Variants in CACNA1H observed in about 807,000 individuals in gnomAD.
CACNA1H encodes voltage-dependent T-type calcium channel subunit alpha-1H.
In CACNA1H, 149 loss-of-function variants were observed where a neutral mutation model predicts 192.5. That is an observed-to-expected ratio of 0.77 (90% CI 0.68 to 0.89). The LOEUF is 0.89. CACNA1H is among the 40% of genes least tolerant of loss of function. The pLI is 0.00. For synonymous variants in CACNA1H, 2,202 were observed against 1,475.2 expected (o/e 1.49, Z -11.29); for missense variants, 4,257 against 3,423.5 (o/e 1.24, Z -6.08).
chr16:1,194,948 G>A, intron 2 of CACNA1H, 24 bp from the exon 3 acceptor site: 1 of 1,568,846 alleles, frequency 6.4e-7, no homozygotes, highest in Admixed American at 1.7e-5. Flanking sequence ...CCGCGCCGGT[G>A]TGCTCCTTAA....
intron 16 of CACNA1H, 82 bp downstream of exon 16, chr16:1,208,303 G>C: frequency 2.1e-6 from 2 of 960,584 alleles, no homozygotes; most frequent in Non-Finnish European, 3.2e-6. Context: ...CTGAAGATGA[G>C]TGAGGGCCGC....
chr16:1,156,866 G>A (rs931897309), intron 2 of CACNA1H: 2 of 152,238 alleles, frequency 1.3e-5, no homozygotes, highest in Non-Finnish European at 2.9e-5. Flanking sequence ...GGGAGCACAT[G>A]CGTGCTGGCT....
In CACNA1H at chr16:1,207,034, C is replaced by A; in HGVS notation, c.2823C>A (p.Phe941Leu). Residue 941 changes from phenylalanine to leucine, a missense_variant, in exon 13 of 35, where the codon TTC becomes TTA. Coordinates refer to ENST00000348261, the MANE Select transcript of CACNA1H (RefSeq NM_021098.3). The stretch of plus-strand genomic sequence containing the variant: ...GCATGCACCTTTTCGGCTGCAAGTT[C>A]AGCCTGAAGACAGACACCGGAGACA... ...ILGMHLFGCK[F>L]SLKTDTGDTV... is the part of the protein sequence containing the mutation. 6.3e-7 allele frequency: 1 copy of A among 1,599,540 alleles called. No individual in the cohort carries two copies. The highest frequency in any genetic ancestry group is 8.5e-7 in the Non-Finnish European group (1 of 1,173,158).
In CACNA1H at chr16:1,210,385, C is replaced by A. The variant is rs377055233; in HGVS notation, c.3861C>A (p.Cys1287Ter). ...GCCCACCCAGGTTCCGCGTCTCCTG[C>A]CAGAAGGTCATCACACACAAGATGT... ...FSPQNRFRVS[C>*]QKVITHKMFD... The change falls in exon 19 of 35, where the codon TGC becomes TGA. Residue 1287 changes from cysteine to a stop codon, truncating the protein, a stop_gained. Transcript: ENST00000348261. LOFTEE classifies it high-confidence loss of function. 1 of 1,531,582 alleles carries A rather than the reference C, an allele frequency of 6.5e-7. No individual in the cohort carries two copies. Among genetic ancestry groups the A allele is most frequent in the East Asian group, 2.5e-5 (1 of 40,480 alleles). 94.9% of individuals were successfully genotyped at this position (1,531,582 alleles called of 1,614,324 possible). A position where few individuals can be genotyped will look rare whatever the true frequency, so the allele number is the denominator to read the frequency against.
chr16:1,218,930 C>A, intron 33 of CACNA1H, 40 bp from the exon 34 acceptor site: 2 of 1,544,564 alleles, frequency 1.3e-6, no homozygotes, highest in African/African-American at 1.4e-5. Flanking sequence ...GGCAGGAAGG[C>A]AGGGGCAGAG....
chr16:1,207,825 A>C lies in CACNA1H; in HGVS notation c.3119A>C (p.Glu1040Ala). Residue 1040 changes from glutamate (E) to alanine (A), a missense_variant, in exon 15 of 35, where the codon GAG (glutamate) becomes GCG (alanine). Coordinates refer to ENST00000348261, the MANE Select transcript of CACNA1H (RefSeq NM_021098.3). ...DEDKTSVHFE[E>A]DFHKLRELQT... Reference sequence around the variant, plus strand: ...GACAAGACGTCGGTCCACTTCGAGGAGGACTTCCACAAGCTCAGAGAACTC... The same window carrying C: ...GACAAGACGTCGGTCCACTTCGAGGCGGACTTCCACAAGCTCAGAGAACTC... 6.2e-7 allele frequency: 1 copy of C among 1,601,600 alleles called. No homozygotes were observed. The highest frequency in any genetic ancestry group is 1.1e-5 in the South Asian group (1 of 88,842).
At chr16:1,168,817 G>T (rs1484464741) in intron 2 of CACNA1H, among the ~76,000 whole-genome samples, 5 of 152,112 alleles carry the variant, frequency 3.3e-5, no homozygotes, top group Non-Finnish European at 5.9e-5. Context: ...GAGGCCCGAG[G>T]AGGGGTGAGG....
chr16:1,169,489 C>T (rs1183822275), intron 2 of CACNA1H, among the ~76,000 whole-genome samples: 1 of 152,220 alleles, frequency 6.6e-6, no homozygotes, highest in African/African-American at 2.4e-5. Flanking sequence ...GAAGCAGCAG[C>T]AGGGCTTGGC....
At chr16:1,183,276 A>G (rs1425103904) in intron 2 of CACNA1H, among the ~76,000 whole-genome samples, 1 of 152,038 alleles carries the variant, frequency 6.6e-6, no homozygotes, top group Non-Finnish European at 1.5e-5. Flanking sequence ...GCGTTCCCCC[A>G]GTTTTCCCCC....
At chr16:1,170,695 G>A (rs1964282211) in intron 2 of CACNA1H, among the ~76,000 whole-genome samples, 1 of 152,196 alleles carries the variant, frequency 6.6e-6, no homozygotes, top group South Asian at 2.1e-4. Flanking sequence ...GATCTGGACA[G>A]GGATTTCGGG....
rs752887237 is a variant in CACNA1H at position 1,212,091 on chromosome 16, G to A, written c.4712G>A (p.Arg1571Gln). ...CRQHQEAEEA[R>Q]RREEKRLRRL... is the part of the protein sequence containing the mutation. ...CAGCACCAGGAGGCGGAGGAGGCGC[G>A]GCGGCGAGAGGAGAAGCGGCTGCGG... Residue 1571 changes from arginine to glutamine, a missense_variant, in exon 25 of 35, where the codon CGG becomes CAG. By Grantham distance (43) the Arg-to-Gln change is conservative. Coordinates refer to ENST00000348261, the MANE Select transcript of CACNA1H (RefSeq NM_021098.3). 19 of 1,611,880 alleles carry A rather than the reference G, an allele frequency of 1.2e-5. No homozygotes were observed. The highest frequency in any genetic ancestry group is 8.8e-5 in the South Asian group (8 of 91,050).
chr16:1,165,059 C>A (rs1001578357), intron 2 of CACNA1H, among the ~76,000 whole-genome samples: 1 of 152,028 alleles, frequency 6.6e-6, no homozygotes, highest in Non-Finnish European at 1.5e-5. Context: ...GGAACAGTGG[C>A]GCTCACCTGA....
At chr16:1,194,490 G>C (rs901777176) in intron 2 of CACNA1H, among the ~76,000 whole-genome samples, 3 of 152,188 alleles carry the variant, frequency 2.0e-5, no homozygotes, top group African/African-American at 7.2e-5. Flanking sequence ...GGGTGGGACG[G>C]GGAGTCCTGT....
intron 1 of CACNA1H, 60 bp from the exon 2 acceptor site, chr16:1,153,659 GC>G: frequency 9.3e-7 from 1 of 1,069,662 alleles, no homozygotes; most frequent in Non-Finnish European, 1.2e-6. Flanking sequence ...GCAGCTCCGC[GC>G]CGCGGGAGGC....
intron 2 of CACNA1H, among the ~76,000 whole-genome samples, chr16:1,174,701 G>T (rs1964692490): frequency 6.6e-6 from 1 of 152,230 alleles, no homozygotes; most frequent in Non-Finnish European, 1.5e-5. Flanking sequence ...AAAAAAAAAT[G>T]ACTCAGACAG....
At chr16:1,186,530 C>T (rs1349224651) in intron 2 of CACNA1H, among the ~76,000 whole-genome samples, 4 of 152,210 alleles carry the variant, frequency 2.6e-5, no homozygotes, top group East Asian at 1.9e-4. Flanking sequence ...GCGTTCTCAT[C>T]CTCCGGCGAT....
At chr16:1,214,077 T>A in intron 27 of CACNA1H, 146 bp downstream of exon 27, 1 of 721,354 alleles carries the variant, frequency 1.4e-6, no homozygotes, top group Non-Finnish European at 2.3e-6. Flanking sequence ...TGAACACGGG[T>A]CTTTTAATGT....
At position 1,204,223 on chromosome 16, in the gene CACNA1H, G is replaced by A. The variant is rs372759314; in HGVS notation, c.2216G>A (p.Arg739His). 1.5e-4 allele frequency: 236 copies of A among 1,611,462 alleles called. No homozygotes were observed. The highest frequency in any genetic ancestry group is 1.7e-4 in the Admixed American group (10 of 59,866). Residue 739 changes from arginine to histidine, a missense_variant, in exon 10 of 35, where the codon CGC (arginine) becomes CAC (histidine). Arg to His is a conservative substitution (Grantham distance 29). Coordinates refer to ENST00000348261, the MANE Select transcript of CACNA1H (RefSeq NM_021098.3). ...EFTQDVRHGD[R>H]WDPTRPPRAT... is the part of the protein sequence containing the mutation. ...ACGCAGGACGTCCGGCACGGTGACC[G>A]CTGGGACCCCACGCGACCACCCCGT...
intron 2 of CACNA1H, among the ~76,000 whole-genome samples, chr16:1,181,126 G>T (rs1051353006): frequency 1.3e-5 from 2 of 152,236 alleles, no homozygotes; most frequent in Non-Finnish European, 2.9e-5. Context: ...CCACAGGCCC[G>T]TCCCAGGGGC....
Sources: gnomAD v4.1 joint callset for allele counts (sites outside exome capture counted in the v4.1 genomes callset) on GRCh38, gnomAD v4.1.1 for gene constraint, MANE v1.5 for transcripts, NCBI Gene and HGNC (gene_info 2026-07-23, HGNC 2026-07-21) for gene names.